CAND2: variants seen among roughly 807,000 people sequenced by gnomAD.
The protein encoded by CAND2 is cullin associated and neddylation dissociated 2 (putative).
Under a neutral mutation model 98.9 loss-of-function variants are expected in CAND2, and 62 were observed. That is an observed-to-expected ratio of 0.63 (90% CI 0.51 to 0.77). CAND2 has a LOEUF of 0.77. Among genes scored for constraint, CAND2 ranks in the 30% least tolerant of loss-of-function variants. The pLI is 0.00. For synonymous variants in CAND2, 770 were observed against 731.9 expected, an observed-to-expected ratio of 1.05 and a Z score of -0.84; for missense variants, 1,501 against 1,655.2, an observed-to-expected ratio of 0.91 and a Z score of 1.62.
intron 12 of CAND2, among the ~76,000 whole-genome samples, chr3:12,826,189 C>T (rs1196158079): frequency 6.6e-6 from 1 of 152,212 alleles, no homozygotes; most frequent in Non-Finnish European, 1.5e-5. Context: ...TGGAAGCCAA[C>T]TTACAATGGA....
chr3:12,813,808 G>A (rs577784093), intron 7 of CAND2, among the ~76,000 whole-genome samples: 1 of 152,174 alleles, frequency 6.6e-6, no homozygotes, highest in Non-Finnish European at 1.5e-5. Flanking sequence ...CCCAGCAGAG[G>A]AAAGCTCTGA....
At chr3:12,829,948 CAGACAATGCTGCTGT>C (rs1342478266) in intron 13 of CAND2, among the ~76,000 whole-genome samples, 1 of 152,220 alleles carries the variant, frequency 6.6e-6, no homozygotes, top group Non-Finnish European at 1.5e-5. Flanking sequence ...TTCACAATTA[CAGACAATGCTGCTGT>C]GAACACCCTG....
chr3:12,833,214 TAGG>T (rs2062069646), intron 14 of CAND2, among the ~76,000 whole-genome samples: 1 of 152,040 alleles, frequency 6.6e-6, no homozygotes, highest in Non-Finnish European at 1.5e-5. Context: ...TCTGCCTAGG[TAGG>T]AGATGGTGGG....
intron 7 of CAND2, among the ~76,000 whole-genome samples, chr3:12,814,070 G>A (rs1325513849): frequency 6.6e-6 from 1 of 152,248 alleles, no homozygotes; most frequent in Non-Finnish European, 1.5e-5. Context: ...AGCCAGGGAG[G>A]TGGGACACTT....
rs1373707749 is a variant in CAND2 at position 12,810,086 on chromosome 3, C to G, written c.519C>G (p.His173Gln). 6.9e-7 allele frequency: 1 copy of G among 1,448,786 alleles called. No homozygotes were observed. The highest frequency in any genetic ancestry group is 2.8e-5 in the East Asian group (1 of 35,404). The allele number at this position is 1,448,786 out of a possible 1,614,324, so 89.7% of individuals were successfully genotyped here. A position where few individuals can be genotyped will look rare whatever the true frequency, so the allele number is the denominator to read the frequency against. The change falls in exon 5 of 15, where the codon CAC becomes CAG. Residue 173 changes from histidine to glutamine, a missense_variant. Physicochemically the swap from His to Gln is conservative, Grantham distance 24 (BLOSUM62 0). Around this residue, in one of 3 missense-constraint regions of CAND2, gnomAD observed 1,427 missense variants for 1,545.3 expected, o/e 0.92. Transcript: ENST00000456430. ...TGGGTGTCCCGCTGGGCGCCTTCCA[C>G]GCCAGCCTCCTGCACTGTCTGCTGC... ...SRLGVPLGAF[H>Q]ASLLHCLLPQ...
rs763278195 is a variant in CAND2 at position 12,833,825 on chromosome 3, T to C, written c.3554T>C (p.Val1185Ala). Residue 1185 changes from valine to alanine, a missense_variant, in exon 15 of 15, where the codon GTG (valine) becomes GCG (alanine). Transcript: ENST00000456430. ...DELKRSAMRA[V>A]AALLTIPEVG... The stretch of plus-strand genomic sequence containing the variant: ...CTGAAGCGCTCTGCAATGAGGGCAG[T>C]GGCTGCCCTGCTGACCATCCCCGAG... 1 of 1,614,124 alleles carries C rather than the reference T, an allele frequency of 6.2e-7. No individual in the cohort carries two copies. Among genetic ancestry groups the C allele is most frequent in the East Asian group, 2.2e-5 (1 of 44,886 alleles).
rs1315603046 is a variant in CAND2, at chr3:12,834,162, GC to G, written c.*183del. ...CAGGGACCCAACTCAAAGGCCCCCA[GC>G]CCAAGCTGTGAGGCTGCCAACAGTT... On this transcript the variant is annotated 3_prime_UTR_variant, in exon 15 of 15. Coordinates refer to ENST00000456430, the MANE Select transcript of CAND2 (RefSeq NM_001162499.2). The G allele has an allele frequency of 5.0e-6, 3 of 603,322 alleles. No homozygotes were observed. The highest frequency in any genetic ancestry group is 8.8e-6 in the Non-Finnish European group (3 of 340,762). The allele number at this position is 603,322 out of a possible 1,614,324, so 37.4% of individuals were successfully genotyped here.
intron 5 of CAND2, among the ~76,000 whole-genome samples, chr3:12,811,201 T>C (rs577168398): frequency 1.3e-5 from 2 of 152,262 alleles, no homozygotes; most frequent in South Asian, 4.1e-4. Flanking sequence ...CAGCCATCCT[T>C]GGTTGCATGG....
chr3:12,803,340 C>G (rs2061780642), intron 1 of CAND2, 148 bp from the exon 2 acceptor site: 1 of 691,080 alleles, frequency 1.4e-6, no homozygotes, highest in South Asian at 2.9e-5. Context: ...TTGCCTGTCA[C>G]TTACCAAAAC....
chr3:12,832,648 C>G (rs1447511080), intron 14 of CAND2: 1 of 152,166 alleles, frequency 6.6e-6, no homozygotes, highest in Non-Finnish European at 1.5e-5. Flanking sequence ...TGTCACACAA[C>G]TTGACTTGAA....
chr3:12,804,680 AGGT>A (rs1485715228), intron 2 of CAND2, among the ~76,000 whole-genome samples: 1 of 152,150 alleles, frequency 6.6e-6, no homozygotes, highest in Non-Finnish European at 1.5e-5. Flanking sequence ...TGTAGGGCAG[AGGT>A]TGTCAAGCTT....
intron 1 of CAND2, 138 bp from the exon 2 acceptor site, chr3:12,803,350 C>A: frequency 2.7e-6 from 2 of 734,102 alleles, no homozygotes; most frequent in East Asian, 3.1e-5. Context: ...CTTACCAAAA[C>A]ATCATTATGT....
In CAND2 at chr3:12,810,044, C is replaced by A; in HGVS notation, c.492-15C>A. ...GCGGAGTGCGATCGGCCTGATGCCC[C>A]CTCGTGCTCCCCAGGCTGGGTGTCC... On this transcript the variant is annotated splice_polypyrimidine_tract_variant and intron_variant, in intron 4 of 14. Transcript: ENST00000456430. The A allele has an allele frequency of 7.1e-7, 1 of 1,405,138 alleles. No homozygotes were observed. 87.0% of individuals were successfully genotyped at this position (1,405,138 alleles called of 1,614,324 possible).
chr3:12,831,350 T>C, intron 13 of CAND2, 115 bp from the exon 14 acceptor site: 1 of 767,400 alleles, frequency 1.3e-6, no homozygotes, highest in East Asian at 2.7e-5. Context: ...GACTTCACGG[T>C]GGTCTGAACT....
chr3:12,816,487 T>G lies in CAND2; in HGVS notation c.1555T>G (p.Leu519Val). 11 of 1,613,996 alleles carry G rather than the reference T, an allele frequency of 6.8e-6. No individual in the cohort carries two copies. Among genetic ancestry groups the G allele is most frequent in the Non-Finnish European group, 9.3e-6 (11 of 1,179,980 alleles). ...ACCAGCTGAGGCCTTCCACCCACAC[T>G]TGCCTATCCTCCTGCCACCTGTGAT... Reference protein sequence around the residue: ...TEPAEAFHPHLPILLPPVMAC... With the variant: ...TEPAEAFHPHVPILLPPVMAC... Residue 519 changes from leucine (L) to valine (V), a missense_variant, in exon 10 of 15, where the codon TTG becomes GTG. By Grantham distance (32) the Leu-to-Val change is conservative (BLOSUM62 1). This residue lies in a region of CAND2 where 1,427 missense variants were observed against 1,545.3 expected (regional missense o/e 0.92). Coordinates refer to ENST00000456430, the MANE Select transcript of CAND2 (RefSeq NM_001162499.2).
chr3:12,817,749 C>A lies in CAND2; in HGVS notation c.2817C>A (p.Ala939=). Residue 939 remains alanine, a synonymous_variant, in exon 10 of 15, where the codon GCC becomes GCA. Coordinates refer to ENST00000456430, the MANE Select transcript of CAND2 (RefSeq NM_001162499.2). ...SLKPYAEDIW[A]LLFQRCEGAE... ...AGCCCTACGCCGAGGACATCTGGGC[C>A]TTGCTGTTCCAGCGCTGCGAGGGTG... 1.3e-6 allele frequency: 2 copies of A among 1,570,642 alleles called. No homozygotes were observed. The highest frequency in any genetic ancestry group is 8.6e-7 in the Non-Finnish European group (1 of 1,159,372).
intron 1 of CAND2, among the ~76,000 whole-genome samples, chr3:12,798,765 A>C (rs920274319): frequency 1.3e-5 from 2 of 152,192 alleles, no homozygotes; most frequent in African/African-American, 4.8e-5. Context: ...CACCCCAAGC[A>C]TGTGAGAATG....
intron 13 of CAND2, 50 bp downstream of exon 13, chr3:12,827,654 G>A: frequency 6.6e-7 from 1 of 1,524,740 alleles, no homozygotes; most frequent in South Asian, 1.2e-5. Context: ...CCAAGGGATA[G>A]TCGGGCACCA....
At chr3:12,820,063 A>T in intron 10 of CAND2, 23 bp from the exon 11 acceptor site, 2 of 1,595,432 alleles carry the variant, frequency 1.3e-6, no homozygotes, top group Non-Finnish European at 8.6e-7. Flanking sequence ...CCCCTCACTA[A>T]CTCACCTCTT....
Sources: allele counts gnomAD v4.1 joint callset (sites outside exome capture counted in the v4.1 genomes callset), GRCh38; gene constraint gnomAD v4.1.1; regional missense constraint gnomAD v4.1.1; transcripts MANE v1.5; gene names NCBI Gene and HGNC (gene_info 2026-07-23, HGNC 2026-07-21).